FREM2: variants seen among roughly 807,000 people sequenced by gnomAD.
FREM2 encodes FRAS1-related extracellular matrix protein 2.
Under a neutral mutation model 219.9 loss-of-function variants are expected in FREM2, and 119 were observed. The observed-to-expected ratio is 0.54, with a 90% confidence interval of 0.47 to 0.63. The LOEUF (loss-of-function observed/expected upper bound fraction) is 0.63. FREM2 is among the 30% of genes least tolerant of loss of function. FREM2 has a pLI of 0.00. For synonymous variants in FREM2, 1,562 were observed against 1,522.8 expected (o/e 1.03, Z -0.60); for missense variants, 4,030 against 3,993.6 (o/e 1.01, Z -0.25).
At position 38,857,856 on chromosome 13, in the gene FREM2, A is replaced by G. The variant is rs1201318905; in HGVS notation, c.7057-19A>G. On this transcript the variant is annotated intron_variant, in intron 12 of 23. Transcript: ENST00000280481. Reference sequence around the variant, plus strand: ...GTTTAATATTTCACTAATCAGTGATAATTGTCTTTTCCTTCTAGTTGACGA... The same window carrying G: ...GTTTAATATTTCACTAATCAGTGATGATTGTCTTTTCCTTCTAGTTGACGA... 1 of 1,603,730 alleles carries G rather than the reference A, an allele frequency of 6.2e-7. No individual in the cohort carries two copies. Among genetic ancestry groups the G allele is most frequent in the South Asian group, 1.1e-5 (1 of 90,826 alleles).
chr13:38,854,117 C>CAA (rs34001823), intron 11 of FREM2, among the ~76,000 whole-genome samples: 4 of 117,678 alleles, frequency 3.4e-5, no homozygotes, highest in Non-Finnish European at 7.3e-5. Flanking sequence ...GAGTTCTTTG[C>CAA]AAAAAAAAAA....
At position 38,691,374 on chromosome 13, in the gene FREM2, C is replaced by A. The variant is rs114409305; in HGVS notation, c.4030C>A (p.Arg1344Ser). ...AGACAAATCTTTGGTTTATATTATTCGTTATGGGCCAGGACATGGCTTATT... is the reference window on the plus strand; with the variant it reads ...AGACAAATCTTTGGTTTATATTATTAGTTATGGGCCAGGACATGGCTTATT... Reference protein sequence around the residue: ...SEDKSLVYIIRYGPGHGLLQR... With the variant: ...SEDKSLVYIISYGPGHGLLQR... The change falls in exon 1 of 24, where the codon CGT becomes AGT. Residue 1344 changes from arginine (R) to serine (S), a missense_variant. By Grantham distance (110) the Arg-to-Ser change is moderately radical (BLOSUM62 -1). Coordinates refer to ENST00000280481, the MANE Select transcript of FREM2 (RefSeq NM_207361.6). The A allele has an allele frequency of 4.3e-5, 69 of 1,613,772 alleles. 1 individual carries two copies. The South Asian group carries it at 7.0e-4, about 16-fold the overall frequency.
intron 2 of FREM2, among the ~76,000 whole-genome samples, chr13:38,762,846 G>C (rs899251835): frequency 6.6e-6 from 1 of 152,110 alleles, no homozygotes; most frequent in Non-Finnish European, 1.5e-5. Flanking sequence ...ATTTTACGAA[G>C]CTACATTCAC....
intron 2 of FREM2, among the ~76,000 whole-genome samples, chr13:38,713,217 T>A (rs1468780765): frequency 6.6e-6 from 1 of 152,194 alleles, no homozygotes. Flanking sequence ...TGTAAATGAA[T>A]GAGAACTCTG....
At chr13:38,859,233 T>C in intron 13 of FREM2, 54 bp from the exon 14 acceptor site, 2 of 1,551,602 alleles carry the variant, frequency 1.3e-6, no homozygotes, top group South Asian at 1.1e-5. Context: ...GGGAGAAGAA[T>C]GCGTTCCACC....
chr13:38,728,941 TTCTCC>T (rs1219763650), intron 2 of FREM2, among the ~76,000 whole-genome samples: 69 of 152,202 alleles, frequency 4.5e-4, no homozygotes, highest in African/African-American at 1.5e-3. Flanking sequence ...GATCAAGCAA[TTCTCC>T]TGCCTCAGCC....
chr13:38,745,858 T>C (rs2137786744), intron 2 of FREM2, among the ~76,000 whole-genome samples: 1 of 152,294 alleles, frequency 6.6e-6, no homozygotes, highest in East Asian at 1.9e-4. Flanking sequence ...TCCCTGTGTG[T>C]ATTTGACTTT....
At position 38,809,197 on chromosome 13, in the gene FREM2, A is replaced by G. The variant is rs77475715; in HGVS notation, c.6019+24389A>G. 7.8e-3 allele frequency among the ~76,000 whole-genome samples: 1,164 copies of G among 150,080 alleles called. 8 individuals are homozygous for G. The highest frequency in any genetic ancestry group is 0.024 in the Middle Eastern group (7 of 292). On this transcript the variant is annotated intron_variant, in intron 6 of 23. Coordinates refer to ENST00000280481, the MANE Select transcript of FREM2 (RefSeq NM_207361.6). The stretch of plus-strand genomic sequence containing the variant: ...TTATACTCTCAGTAGTATTTTTTAT[A>G]TCATTCATTGAATTTTTCAGCTCCA...
chr13:38,857,186 G>T (rs1877594693), intron 12 of FREM2, among the ~76,000 whole-genome samples: 1 of 152,096 alleles, frequency 6.6e-6, no homozygotes, highest in Admixed American at 6.5e-5. Flanking sequence ...ATTACTTCCA[G>T]CGATGAAAGC....
chr13:38,774,778 T>C (rs551088345), intron 4 of FREM2, among the ~76,000 whole-genome samples: 4 of 152,196 alleles, frequency 2.6e-5, no homozygotes, highest in Non-Finnish European at 5.9e-5. Flanking sequence ...TATACATTTA[T>C]TGGGAGAAAA....
chr13:38,739,954 G>A (rs997098505), intron 2 of FREM2, among the ~76,000 whole-genome samples: 1 of 152,140 alleles, frequency 6.6e-6, no homozygotes, highest in Admixed American at 6.5e-5. Flanking sequence ...TCAGAGAACA[G>A]CACTGCCTAC....
intron 2 of FREM2, among the ~76,000 whole-genome samples, chr13:38,741,737 C>T (rs1344210467): frequency 1.3e-5 from 2 of 152,130 alleles, no homozygotes; most frequent in Non-Finnish European, 2.9e-5. Context: ...GCTCATCAGT[C>T]ATAGAAAGTA....
At chr13:38,879,087 C>T in intron 23 of FREM2, 110 bp downstream of exon 23, 1 of 1,031,950 alleles carries the variant, frequency 9.7e-7, no homozygotes, top group Non-Finnish European at 1.5e-6. Context: ...AGTAATATTG[C>T]ATACAGTTAA....
chr13:38,831,525 T>C (rs9548468), intron 6 of FREM2, among the ~76,000 whole-genome samples: 13,995 of 152,214 alleles, frequency 0.092, 977 homozygotes, highest in Admixed American at 0.21. Flanking sequence ...GAGAAAATTA[T>C]AGTTGACAAG....
At chr13:38,798,127 T>C (rs1229834290) in intron 6 of FREM2, among the ~76,000 whole-genome samples, 4 of 152,136 alleles carry the variant, frequency 2.6e-5, no homozygotes, top group Non-Finnish European at 5.9e-5. Context: ...ATATGGCCTT[T>C]ATTATTTTGA....
intron 11 of FREM2, among the ~76,000 whole-genome samples, chr13:38,853,189 G>A (rs986023761): frequency 4.0e-5 from 6 of 151,514 alleles, no homozygotes; most frequent in East Asian, 2.0e-4. Flanking sequence ...TTAGCCAGGC[G>A]TGGTGGCACA....
chr13:38,879,492 A>G (rs1261545628), intron 23 of FREM2, among the ~76,000 whole-genome samples: 1 of 152,212 alleles, frequency 6.6e-6, no homozygotes, highest in Non-Finnish European at 1.5e-5. Flanking sequence ...GGAGGGAAAC[A>G]CAGGCAGCTG....
intron 2 of FREM2, among the ~76,000 whole-genome samples, chr13:38,703,753 A>G (rs1003890428): frequency 6.6e-6 from 1 of 152,156 alleles, no homozygotes; most frequent in African/African-American, 2.4e-5. Context: ...TTATATGAAT[A>G]TACTGTTTTC....
chr13:38,814,860 T>TG (rs1277860489), intron 6 of FREM2, among the ~76,000 whole-genome samples: 1 of 152,256 alleles, frequency 6.6e-6, no homozygotes, highest in Non-Finnish European at 1.5e-5. Context: ...CACTGATCCA[T>TG]GGGGGGCTCT....
Sources: allele counts gnomAD v4.1 joint callset (sites outside exome capture counted in the v4.1 genomes callset), GRCh38; gene constraint gnomAD v4.1.1; transcripts MANE v1.5; gene names NCBI Gene and HGNC (gene_info 2026-07-23, HGNC 2026-07-21).